DPP6: variants seen among roughly 807,000 people sequenced by gnomAD.
DPP6 encodes the protein dipeptidyl peptidase like 6.
Under a neutral mutation model 122.6 loss-of-function variants are expected in DPP6, and 69 were observed. The observed-to-expected ratio is 0.56, with a 90% CI of 0.46 to 0.69. The LOEUF is 0.69. DPP6 is among the 30% of genes least tolerant of loss of function. DPP6 has a pLI of 0.00. For synonymous variants in DPP6, 418 were observed against 433.1 expected (o/e 0.97, Z 0.43); for missense variants, 928 against 1,116.9 (o/e 0.83, Z 2.41).
rs76841930 is a variant in DPP6, at chr7:154,694,445, C to T, written c.762+25004C>T. 2.6e-5 allele frequency among the ~76,000 whole-genome samples: 4 copies of T among 152,232 alleles called. No homozygotes were observed. In the East Asian group the frequency reaches 7.7e-4, roughly 29 times the overall value. ...TGGCCAACATGGGGAAACCCCGTCT[C>T]CACTAAAAATACAAAAATTAGCCAG... On this transcript the variant is annotated intron_variant, in intron 7 of 25. Coordinates refer to ENST00000377770, the MANE Select transcript of DPP6 (RefSeq NM_130797.4).
intron 17 of DPP6, among the ~76,000 whole-genome samples, chr7:154,861,508 C>T (rs566769693): frequency 6.6e-5 from 10 of 152,124 alleles, no homozygotes; most frequent in Admixed American, 2.0e-4. Flanking sequence ...TTTGTCCGCC[C>T]GTCACCCCAG....
chr7:154,342,352 G>A (rs1024503901), intron 1 of DPP6, among the ~76,000 whole-genome samples: 3 of 152,306 alleles, frequency 2.0e-5, no homozygotes, highest in Admixed American at 1.3e-4. Flanking sequence ...GTGTGGTCAG[G>A]TGGAGAGACA....
intron 1 of DPP6, among the ~76,000 whole-genome samples, chr7:154,388,021 T>C (rs1563586957): frequency 6.6e-6 from 1 of 152,170 alleles, no homozygotes; most frequent in East Asian, 1.9e-4. Flanking sequence ...ACAGTGATTG[T>C]GCTGAGTGCA....
chr7:154,491,271 G>A (rs187213611), intron 3 of DPP6, among the ~76,000 whole-genome samples: 1 of 152,302 alleles, frequency 6.6e-6, no homozygotes, highest in African/African-American at 2.4e-5. Context: ...AAACAAGGGG[G>A]TTGGAAATAA....
At chr7:154,003,115 A>G (rs1004578687) in intron 1 of DPP6, among the ~76,000 whole-genome samples, 1 of 152,202 alleles carries the variant, frequency 6.6e-6, no homozygotes, top group Admixed American at 6.5e-5. Flanking sequence ...TGAGACTTCC[A>G]AAAGGTTAGG....
At chr7:154,489,516 T>A (rs1824089463) in intron 3 of DPP6, among the ~76,000 whole-genome samples, 1 of 152,166 alleles carries the variant, frequency 6.6e-6, no homozygotes, top group Non-Finnish European at 1.5e-5. Context: ...GAAATAGATA[T>A]AGCATCTGGA....
chr7:154,765,108 G>A (rs1026956257), intron 8 of DPP6, among the ~76,000 whole-genome samples: 3 of 152,152 alleles, frequency 2.0e-5, no homozygotes, highest in African/African-American at 4.8e-5. Flanking sequence ...GAGATCATTC[G>A]GCATTCGTCT....
At chr7:153,850,246 G>A in the DPP6 span, among the ~76,000 whole-genome samples, 1 of 152,094 alleles carries the variant, frequency 6.6e-6, no homozygotes, top group African/African-American at 2.4e-5. Context: ...GGCCTGGCTG[G>A]GGAGAGATCT....
rs188197711 is a variant in DPP6, at chr7:154,596,055, A to G, written c.627+29139A>G. Among the ~76,000 whole-genome samples the G allele has an allele frequency of 1.1e-3, 166 of 152,326 alleles. No homozygotes were observed. The Middle Eastern group carries it at 0.014, about 12-fold the overall frequency. On this transcript the variant is annotated intron_variant, in intron 5 of 25. Coordinates refer to ENST00000377770, the MANE Select transcript of DPP6 (RefSeq NM_130797.4). ...TGCCTGGGTGACAGAGCGAGACGCCATCTCAAAAAAAGAAAGGTTATGCCT... is the reference window on the plus strand; with the variant it reads ...TGCCTGGGTGACAGAGCGAGACGCCGTCTCAAAAAAAGAAAGGTTATGCCT...
At chr7:154,713,563 T>A (rs1001296395) in intron 7 of DPP6, among the ~76,000 whole-genome samples, 3 of 152,226 alleles carry the variant, frequency 2.0e-5, no homozygotes, top group Non-Finnish European at 4.4e-5. Context: ...CAACATCACA[T>A]GGAATTTGCC....
At position 154,452,378 on chromosome 7, in the gene DPP6, G is replaced by A. The variant is rs139055448; in HGVS notation, c.358+6050G>A. ...CGCCAAGGCAGGAGTGGCTTCCACC[G>A]GTGAAAGTGAAAGATGACAGTCAGT... On this transcript the variant is annotated intron_variant, in intron 2 of 25. Coordinates refer to ENST00000377770, the MANE Select transcript of DPP6 (RefSeq NM_130797.4). Among the ~76,000 whole-genome samples, 354 of 152,266 alleles carry A rather than the reference G, an allele frequency of 2.3e-3. 1 individual carries two copies. Among genetic ancestry groups the A allele is most frequent in the Admixed American group, 4.6e-3 (70 of 15,284 alleles).
chr7:154,572,699 A>ATTT (rs1831205892), intron 5 of DPP6, among the ~76,000 whole-genome samples: 1 of 82,902 alleles, frequency 1.2e-5, no homozygotes, highest in Non-Finnish European at 2.4e-5. Context: ...TTTTTTTTTG[A>ATTT]GACAGAGTCT....
Position 154,872,661 on chromosome 7 carries a change from C to G in DPP6, c.1851C>G (p.Thr617=), listed in dbSNP as rs753742995. 1 of 1,601,804 alleles carries G rather than the reference C, an allele frequency of 6.2e-7. No homozygotes were observed. The part of the protein sequence containing the change: ...PMQILKPATF[T]DTTHYPLLLV... ...AGATACTGAAGCCAGCAACCTTCAC[C>G]GACACCACCCACTACCCTCTGCTCC... The change falls in exon 19 of 26, where the codon ACC becomes ACG. Residue 617 remains threonine (T), a synonymous_variant. Transcript: ENST00000377770.
chr7:154,017,812 G>A (rs1585182711), intron 1 of DPP6, among the ~76,000 whole-genome samples: 1 of 150,886 alleles, frequency 6.6e-6, no homozygotes, highest in African/African-American at 2.4e-5. Flanking sequence ...GGGTGATCCT[G>A]TGCTTCCATT....
chr7:154,662,240 G>T (rs186921519), intron 6 of DPP6, among the ~76,000 whole-genome samples: 5 of 151,618 alleles, frequency 3.3e-5, no homozygotes, highest in African/African-American at 9.7e-5. Flanking sequence ...AATCACCATG[G>T]CGTATTAGCC....
intron 1 of DPP6, among the ~76,000 whole-genome samples, chr7:154,092,037 G>A (rs969844785): frequency 2.7e-4 from 41 of 151,966 alleles, no homozygotes; most frequent in African/African-American, 8.9e-4. Flanking sequence ...AGGGGTGGGA[G>A]CTGTGCTTAT....
chr7:154,272,741 G>T (rs1803876566), intron 1 of DPP6, among the ~76,000 whole-genome samples: 1 of 152,182 alleles, frequency 6.6e-6, no homozygotes. Flanking sequence ...TGCTGAGGAG[G>T]TGGAGACATG....
chr7:154,501,642 A>T (rs1157023428), intron 3 of DPP6, among the ~76,000 whole-genome samples: 1 of 152,218 alleles, frequency 6.6e-6, no homozygotes, highest in South Asian at 2.1e-4. Flanking sequence ...ACCTCTGCCT[A>T]GATTTCAGAA....
At chr7:154,443,535 G>A (rs111441753) in intron 1 of DPP6, among the ~76,000 whole-genome samples, 2 of 147,966 alleles carry the variant, frequency 1.4e-5, no homozygotes, top group African/African-American at 2.5e-5. Context: ...TGGATGGATG[G>A]ATGGATGAGT....
Sources: gnomAD v4.1 joint callset for allele counts (sites outside exome capture counted in the v4.1 genomes callset) on GRCh38, gnomAD v4.1.1 for gene constraint, MANE v1.5 for transcripts, NCBI Gene and HGNC (gene_info 2026-07-23, HGNC 2026-07-21) for gene names.